The following ABHD13 variants were observed in gnomAD, a reference collection of about 807,000 sequenced individuals.
ABHD13 encodes the protein abhydrolase domain containing 13.
Under a neutral mutation model 25.2 loss-of-function variants are expected in ABHD13, and 7 were observed. The observed-to-expected ratio is 0.28, with a 90% CI of 0.16 to 0.52. The LOEUF is 0.52. ABHD13 is among the 20% of genes least tolerant of loss of function. The probability of loss-of-function intolerance (pLI) is 0.96; values close to 1 mark genes in which losing one functional copy is unlikely to be tolerated. For synonymous variants in ABHD13, 133 were observed against 136.1 expected, an observed-to-expected ratio of 0.98 and a Z score of 0.16; for missense variants, 302 against 402.7, an observed-to-expected ratio of 0.75 and a Z score of 2.14.
Position 108,229,839 on chromosome 13 carries a change from A to C in ABHD13, c.621A>C (p.Ser207=), listed in dbSNP as rs887837569. Reference sequence around the variant, plus strand: ...CTATTCATTTGGCTTCTGAAAATTCACATAGGATTTCAGCCATTATGGTGG... The same window carrying C: ...CTATTCATTTGGCTTCTGAAAATTCCCATAGGATTTCAGCCATTATGGTGG... ...AVAIHLASEN[S]HRISAIMVEN... is the part of the protein sequence containing the mutation. The change falls in exon 2 of 2, where the codon TCA becomes TCC. Residue 207 remains serine (S), a synonymous_variant. Transcript: ENST00000375898. The surrounding 1 kb of genome is among the most constrained non-coding windows in gnomAD (Gnocchi z 4.7). 3.1e-6 allele frequency: 5 copies of C among 1,613,390 alleles called. No individual in the cohort carries two copies. Among genetic ancestry groups the C allele is most frequent in the Non-Finnish European group, 4.2e-6 (5 of 1,179,542 alleles).
chr13:108,221,379 G>C (rs1294431246), intron 1 of ABHD13, among the ~76,000 whole-genome samples: 1 of 152,184 alleles, frequency 6.6e-6, no homozygotes, highest in Non-Finnish European at 1.5e-5. Flanking sequence ...CAGAAGAGGA[G>C]AGAGATTGAT....
At position 108,230,954 on chromosome 13, in the gene ABHD13, C is replaced by T. The variant is rs1879791042; in HGVS notation, c.*722C>T. On this transcript the variant is annotated 3_prime_UTR_variant, in exon 2 of 2. Coordinates refer to ENST00000375898, the MANE Select transcript of ABHD13 (RefSeq NM_032859.3). ...TTGTTAGGTACAGTCTGGATCATGG[C>T]ATGTAGAAATAGAAATTTAGAATTT... is the stretch of plus-strand genomic sequence containing the variant. 6.0e-6 allele frequency: 1 copy of T among 166,726 alleles called. No individual in the cohort carries two copies. The highest frequency in any genetic ancestry group is 2.1e-4 in the South Asian group (1 of 4,834). 10.3% of individuals were successfully genotyped at this position (166,726 alleles called of 1,614,324 possible).
In ABHD13 at chr13:108,232,752, A is replaced by G. The variant is rs1333937888; in HGVS notation, c.*2520A>G. On this transcript the variant is annotated 3_prime_UTR_variant, in exon 2 of 2. Coordinates refer to ENST00000375898, the MANE Select transcript of ABHD13 (RefSeq NM_032859.3). ...TATGGCAAGATACAGCTCATTTAGA[A>G]TAAAATCTCACATCCATTATTTTAA... The G allele has an allele frequency of 6.0e-6, 1 of 166,932 alleles. No individual in the cohort carries two copies. The highest frequency in any genetic ancestry group is 1.5e-5 in the Non-Finnish European group (1 of 68,024). 10.3% of individuals were successfully genotyped at this position (166,932 alleles called of 1,614,324 possible).
chr13:108,232,022 T>G lies in ABHD13; in HGVS notation c.*1790T>G, dbSNP rs1016182019. On this transcript the variant is annotated 3_prime_UTR_variant, in exon 2 of 2. Coordinates refer to ENST00000375898, the MANE Select transcript of ABHD13 (RefSeq NM_032859.3). ...GTAGAATGACTATTCTAAATATTAA[T>G]GTATTAAAAAGAAAATACAACAAAA... The G allele has an allele frequency of 3.6e-5, 6 of 166,778 alleles. No homozygotes were observed. Among genetic ancestry groups the G allele is most frequent in the Admixed American group, 2.6e-4 (4 of 15,224 alleles). The allele number at this position is 166,778 out of a possible 1,614,324, so 10.3% of individuals were successfully genotyped here. A position where few individuals can be genotyped will look rare whatever the true frequency, so the allele number is the denominator to read the frequency against.
rs879284361 is a variant in ABHD13 at position 108,231,575 on chromosome 13, A to G, written c.*1343A>G. On this transcript the variant is annotated 3_prime_UTR_variant, in exon 2 of 2. Coordinates refer to ENST00000375898, the MANE Select transcript of ABHD13 (RefSeq NM_032859.3). Reference sequence around the variant, plus strand: ...GATTTACTTAATAAAAATACACGCTATGAGTCATAATTGTGCCAAGTTGTT... The same window carrying G: ...GATTTACTTAATAAAAATACACGCTGTGAGTCATAATTGTGCCAAGTTGTT... 3.6e-5 allele frequency: 6 copies of G among 166,840 alleles called. No homozygotes were observed. The highest frequency in any genetic ancestry group is 3.3e-4 in the Admixed American group (5 of 15,236). 10.3% of individuals were successfully genotyped at this position (166,840 alleles called of 1,614,324 possible).
At position 108,229,685 on chromosome 13, in the gene ABHD13, G is replaced by C. The variant is rs745927939; in HGVS notation, c.467G>C (p.Ser156Thr). Reference sequence around the variant, plus strand: ...GTTGATTATCGAGGATATGGAAAAAGTGAAGGAGAAGCAAGTGAAGAAGGA... The same window carrying C: ...GTTGATTATCGAGGATATGGAAAAACTGAAGGAGAAGCAAGTGAAGAAGGA... ...LLVDYRGYGK[S>T]EGEASEEGLY... The change falls in exon 2 of 2, where the codon AGT becomes ACT. Residue 156 changes from serine (S) to threonine (T), a missense_variant. By Grantham distance (58) the Ser-to-Thr change is moderately conservative (BLOSUM62 1). Coordinates refer to ENST00000375898, the MANE Select transcript of ABHD13 (RefSeq NM_032859.3). The surrounding 1 kb of genome is among the most constrained non-coding windows in gnomAD (Gnocchi z 4.7). 6.2e-7 allele frequency: 1 copy of C among 1,613,340 alleles called. No individual in the cohort carries two copies. The highest frequency in any genetic ancestry group is 8.5e-7 in the Non-Finnish European group (1 of 1,179,558).
At position 108,230,169 on chromosome 13, in the gene ABHD13, A is replaced by G. The variant is rs1054710457; in HGVS notation, c.951A>G (p.Glu317=). 5.0e-6 allele frequency: 8 copies of G among 1,611,580 alleles called. No individual in the cohort carries two copies. In the African/African-American group the frequency reaches 1.1e-4, roughly 22 times the overall value. ...CTGCACTTGAACAGTTCATCAAAGA[A>G]GTCGTAAAGAGCCATTCTCCTGAAG... ...YFTALEQFIK[E]VVKSHSPEEM... is the part of the protein sequence containing the mutation. Residue 317 remains glutamate, a synonymous_variant, in exon 2 of 2, where the codon GAA becomes GAG. Transcript: ENST00000375898.
rs555886055 is a variant in ABHD13 at position 108,232,108 on chromosome 13, A to AC, written c.*1877dup. Reference sequence around the variant, plus strand: ...ATATTTGTATCATTCTTTAAAGTTTACAAAAAAAAACCTTATGTTTTTATG... The same window carrying AC: ...ATATTTGTATCATTCTTTAAAGTTTACCAAAAAAAAACCTTATGTTTTTATG... On this transcript the variant is annotated 3_prime_UTR_variant, in exon 2 of 2. Transcript: ENST00000375898. The AC allele has an allele frequency of 2.9e-3, 486 of 165,588 alleles. 2 individuals carry two copies. The highest frequency in any genetic ancestry group is 0.011 in the African/African-American group (473 of 41,280). The allele number at this position is 165,588 out of a possible 1,614,324, so 10.3% of individuals were successfully genotyped here.
In ABHD13 at chr13:108,220,647, T is replaced by C. The variant is rs181202167; in HGVS notation, c.-21+1988T>C. ...TTTTATGTTTCTGTTTCACATGGTG[T>C]GAACTCCTACAACAGTATATTCTGC... On this transcript the variant is annotated intron_variant, in intron 1 of 1. Transcript: ENST00000375898. Among the ~76,000 whole-genome samples the C allele has an allele frequency of 2.9e-3, 449 of 152,344 alleles. 3 individuals carry two copies. The highest frequency in any genetic ancestry group is 0.01 in the African/African-American group (417 of 41,574).
intron 1 of ABHD13, among the ~76,000 whole-genome samples, chr13:108,218,889 C>T (rs1014269843): frequency 6.6e-6 from 1 of 152,072 alleles, no homozygotes; most frequent in Non-Finnish European, 1.5e-5. Context: ...CGCCCCGACT[C>T]CGCTCACCAC....
chr13:108,222,598 T>A (rs1383430018), intron 1 of ABHD13, among the ~76,000 whole-genome samples: 1 of 152,106 alleles, frequency 6.6e-6, no homozygotes, highest in Non-Finnish European at 1.5e-5. Flanking sequence ...TTTTTTTGTA[T>A]GTATGTGGAT....
chr13:108,218,547 C>T lies in ABHD13; in HGVS notation c.-133C>T, dbSNP rs1235452869. ...GCTAGACCGTGGCGCCGGCAGCGGC[C>T]CCTGGGCTGGAGGAGGATGATGAGG... On this transcript the variant is annotated 5_prime_UTR_variant, in exon 1 of 2. Coordinates refer to ENST00000375898, the MANE Select transcript of ABHD13 (RefSeq NM_032859.3). 1 of 151,972 alleles carries T rather than the reference C, an allele frequency of 6.6e-6. No individual in the cohort carries two copies. The highest frequency in any genetic ancestry group is 2.4e-5 in the African/African-American group (1 of 41,390). 9.4% of individuals were successfully genotyped at this position (151,972 alleles called of 1,614,324 possible). A position where few individuals can be genotyped will look rare whatever the true frequency, so the allele number is the denominator to read the frequency against.
Position 108,233,075 on chromosome 13 carries a change from T to A in ABHD13, c.*2843T>A, listed in dbSNP as rs2139017654. 1 of 167,002 alleles carries A rather than the reference T, an allele frequency of 6.0e-6. No homozygotes were observed. The highest frequency in any genetic ancestry group is 1.9e-4 in the East Asian group (1 of 5,190). The allele number at this position is 167,002 out of a possible 1,614,324, so 10.3% of individuals were successfully genotyped here. ...GTTTTTGCAATTAGGTTTTTGACTG[T>A]TAAAATGGATATTTTCATAAAAATG... On this transcript the variant is annotated 3_prime_UTR_variant, in exon 2 of 2. Coordinates refer to ENST00000375898, the MANE Select transcript of ABHD13 (RefSeq NM_032859.3).
Position 108,230,311 on chromosome 13 carries a change from G to A in ABHD13, c.*79G>A. On this transcript the variant is annotated 3_prime_UTR_variant, in exon 2 of 2. Transcript: ENST00000375898. Reference sequence around the variant, plus strand: ...AATGTTCCTTTTAGAAGTGTGTTATGTCTGTACCTGTCTGAAGAGTGACAT... The same window carrying A: ...AATGTTCCTTTTAGAAGTGTGTTATATCTGTACCTGTCTGAAGAGTGACAT... The A allele has an allele frequency of 1.2e-5, 14 of 1,184,374 alleles. No homozygotes were observed. Among genetic ancestry groups the A allele is most frequent in the Non-Finnish European group, 1.6e-5 (14 of 859,934 alleles). 73.4% of individuals were successfully genotyped at this position (1,184,374 alleles called of 1,614,324 possible). A position where few individuals can be genotyped will look rare whatever the true frequency, so the allele number is the denominator to read the frequency against.
At position 108,230,216 on chromosome 13, in the gene ABHD13, A is replaced by G; in HGVS notation, c.998A>G (p.Asn333Ser). 6.3e-7 allele frequency: 1 copy of G among 1,594,290 alleles called. No individual in the cohort carries two copies. Among genetic ancestry groups the G allele is most frequent in the East Asian group, 2.2e-5 (1 of 44,632 alleles). Residue 333 changes from asparagine to serine, a missense_variant, in exon 2 of 2, where the codon AAT becomes AGT. Physicochemically the swap from Asn to Ser is conservative, Grantham distance 46 (BLOSUM62 1). Coordinates refer to ENST00000375898, the MANE Select transcript of ABHD13 (RefSeq NM_032859.3). ...SPEEMAKTSSNVTII is the reference protein window; with the variant it reads ...SPEEMAKTSSSVTII ...GAAGAAATGGCAAAAACTTCATCTA[A>G]TGTAACAATTATATAATGTTTCCCT...
At position 108,229,268 on chromosome 13, in the gene ABHD13, C is replaced by T. The variant is rs768560840; in HGVS notation, c.50C>T (p.Ala17Val). Residue 17 changes from alanine to valine, a missense_variant, in exon 2 of 2, where the codon GCC becomes GTC. Transcript: ENST00000375898. The surrounding 1 kb of genome is among the most constrained non-coding windows in gnomAD (Gnocchi z 4.7). ...AACTTTGTTGAAAGATGGCTAATAG[C>T]CTTGGCTTCATGGTCTTGGGCTCTC... ...LWNFVERWLI[A>V]LASWSWALCR... The T allele has an allele frequency of 6.3e-7, 1 of 1,589,620 alleles. No homozygotes were observed.
At chr13:108,228,593 GT>G (rs796928016) in intron 1 of ABHD13, among the ~76,000 whole-genome samples, 2 of 148,938 alleles carry the variant, frequency 1.3e-5, no homozygotes, top group Non-Finnish European at 1.5e-5. Flanking sequence ...TTCCCTAGTT[GT>G]TTTTTTTTGT....
chr13:108,227,177 C>G (rs1474776864), intron 1 of ABHD13, among the ~76,000 whole-genome samples: 1 of 152,074 alleles, frequency 6.6e-6, no homozygotes, highest in Non-Finnish European at 1.5e-5. Context: ...GTAAGTTTAT[C>G]CCTTATTATT....
intron 1 of ABHD13, among the ~76,000 whole-genome samples, chr13:108,226,272 A>G (rs557686345): frequency 1.3e-5 from 2 of 152,318 alleles, no homozygotes; most frequent in East Asian, 3.9e-4. Flanking sequence ...TAGCTGCTTC[A>G]TGCTCCACAG....
Sources: gnomAD v4.1 joint callset for allele counts (sites outside exome capture counted in the v4.1 genomes callset) on GRCh38, gnomAD v4.1.1 for gene constraint, Gnocchi (gnomAD v3.1) non-coding constraint, MANE v1.5 for transcripts, NCBI Gene and HGNC (gene_info 2026-07-23, HGNC 2026-07-21) for gene names.